Variants in CRB1 observed in about 807,000 individuals in gnomAD.
CRB1 encodes protein crumbs homolog 1.
In CRB1, 83 loss-of-function variants were observed where a neutral mutation model predicts 120.0. The observed-to-expected ratio is 0.69, with a 90% CI of 0.58 to 0.83. The LOEUF is 0.83. Ranked by LOEUF, CRB1 falls within the 40% of genes least tolerant of loss-of-function variation. The pLI, the probability that CRB1 is intolerant of heterozygous loss-of-function variation, is 0.00. For synonymous variants in CRB1, 625 were observed against 612.5 expected, an observed-to-expected ratio of 1.02 and a Z score of -0.30; for missense variants, 1,699 against 1,687.6, an observed-to-expected ratio of 1.01 and a Z score of -0.12.
chr1:197,223,322 A>G, the CRB1 span: 1 of 620,860 alleles, frequency 1.6e-6, no homozygotes. Flanking sequence ...TATATCATAC[A>G]TTGTGGTTTA....
intron 5 of CRB1, among the ~76,000 whole-genome samples, chr1:197,376,952 AGGCC>A (rs1661681596): frequency 6.6e-6 from 1 of 152,156 alleles, no homozygotes; most frequent in East Asian, 1.9e-4. Context: ...TTACTTGGTT[AGGCC>A]AAACTCATTT....
intron 2 of CRB1, among the ~76,000 whole-genome samples, chr1:197,333,212 A>T (rs1054355048): frequency 1.3e-5 from 2 of 152,196 alleles, no homozygotes; most frequent in Admixed American, 6.5e-5. Context: ...CACTGCGTGA[A>T]TTCTCCTCTG....
intron 5 of CRB1, among the ~76,000 whole-genome samples, chr1:197,395,669 G>A (rs1273941969): frequency 6.6e-6 from 1 of 151,974 alleles, no homozygotes; most frequent in Non-Finnish European, 1.5e-5. Flanking sequence ...GACCTCCCTG[G>A]TTCATTGAAT....
chr1:197,308,181 A>G (rs1657285708), intron 1 of CRB1, among the ~76,000 whole-genome samples: 3 of 152,234 alleles, frequency 2.0e-5, no homozygotes, highest in African/African-American at 7.2e-5. Context: ...ATGAATGTGG[A>G]AATAGAAAAT....
At chr1:197,460,216 T>C (rs113873077) in intron 11 of CRB1, among the ~76,000 whole-genome samples, 11 of 151,676 alleles carry the variant, frequency 7.3e-5, no homozygotes, top group African/African-American at 2.7e-4. Flanking sequence ...TAAAAAAGAG[T>C]CTCTGGGGCA....
chr1:197,319,208 G>C (rs1228287214), intron 1 of CRB1, among the ~76,000 whole-genome samples: 1 of 143,252 alleles, frequency 7.0e-6, no homozygotes, highest in African/African-American at 2.6e-5. Context: ...CAAATCATGA[G>C]GTCAGGAGTT....
chr1:197,284,760 ATTTG>A (rs1313020521), intron 1 of CRB1, among the ~76,000 whole-genome samples: 1 of 151,890 alleles, frequency 6.6e-6, no homozygotes. Context: ...GAATCATTGA[ATTTG>A]TTTTTTCAAA....
At chr1:197,305,123 T>C (rs1179192336) in intron 1 of CRB1, among the ~76,000 whole-genome samples, 2 of 152,192 alleles carry the variant, frequency 1.3e-5, no homozygotes, top group Non-Finnish European at 2.9e-5. Context: ...CTCTGAAACC[T>C]GATATCTAAG....
intron 5 of CRB1, among the ~76,000 whole-genome samples, chr1:197,380,115 G>C (rs190686893): frequency 6.6e-6 from 1 of 152,128 alleles, no homozygotes; most frequent in Non-Finnish European, 1.5e-5. Flanking sequence ...TTAACACCTC[G>C]GTTCTGCAGA....
At chr1:197,258,031 TTCTC>T in the CRB1 span, among the ~76,000 whole-genome samples, 2 of 152,212 alleles carry the variant, frequency 1.3e-5, no homozygotes, top group Admixed American at 6.5e-5. Flanking sequence ...CTGATTCTTC[TTCTC>T]TCTATTTAAA....
intron 1 of CRB1, 50 bp downstream of exon 1, chr1:197,268,532 T>C: frequency 3.1e-6 from 4 of 1,288,384 alleles, no homozygotes; most frequent in Non-Finnish European, 4.5e-6. Context: ...TCTGGCTTAT[T>C]ATATTTCTTA....
At chr1:197,271,990 C>A (rs1415629697) in intron 1 of CRB1, among the ~76,000 whole-genome samples, 1 of 152,130 alleles carries the variant, frequency 6.6e-6, no homozygotes, top group Non-Finnish European at 1.5e-5. Context: ...TTTGGGGTAG[C>A]ATCCAGTCTT....
At chr1:197,419,398 T>C (rs1362140664) in intron 5 of CRB1, among the ~76,000 whole-genome samples, 1 of 151,544 alleles carries the variant, frequency 6.6e-6, no homozygotes, top group African/African-American at 2.4e-5. Flanking sequence ...AGTCTCGCTT[T>C]GTTGCCCAGG....
In CRB1 at chr1:197,438,544, T is replaced by G; in HGVS notation, c.3750-3T>G. On this transcript the variant is annotated splice_region_variant and splice_polypyrimidine_tract_variant and intron_variant, in intron 9 of 11. Coordinates refer to ENST00000367400, the MANE Select transcript of CRB1 (RefSeq NM_201253.3). ...GCTGTGGCTCTTGCTTTTATCTCTCTAGACAGAGCAGATTACCCTCAACAG... is the reference window on the plus strand; with the variant it reads ...GCTGTGGCTCTTGCTTTTATCTCTCGAGACAGAGCAGATTACCCTCAACAG... 1 of 1,612,034 alleles carries G rather than the reference T, an allele frequency of 6.2e-7. No individual in the cohort carries two copies. Among genetic ancestry groups the G allele is most frequent in the Non-Finnish European group, 8.5e-7 (1 of 1,178,466 alleles).
intron 1 of CRB1, among the ~76,000 whole-genome samples, chr1:197,308,808 C>T (rs137915599): frequency 1.3e-5 from 2 of 151,008 alleles, no homozygotes; most frequent in East Asian, 3.9e-4. Context: ...ATAATAAATG[C>T]TTTTATGTAA....
intron 11 of CRB1, among the ~76,000 whole-genome samples, chr1:197,449,816 G>A (rs1384813200): frequency 6.6e-6 from 1 of 152,132 alleles, no homozygotes; most frequent in African/African-American, 2.4e-5. Context: ...CGCTACATGG[G>A]CATATTACAA....
intron 11 of CRB1, among the ~76,000 whole-genome samples, chr1:197,460,001 C>CTTTTTT (rs10679172): frequency 0.078 from 5,901 of 75,492 alleles, 548 homozygotes; most frequent in East Asian, 0.28. Flanking sequence ...AAGCCCCCCT[C>CTTTTTT]TTTTTTTTTT....
At chr1:197,406,024 A>G (rs1286942424) in intron 5 of CRB1, among the ~76,000 whole-genome samples, 3 of 133,704 alleles carry the variant, frequency 2.2e-5, no homozygotes, top group African/African-American at 8.5e-5. Flanking sequence ...GGCCGCCCCT[A>G]CTGGGAAGTG....
At chr1:197,315,202 T>C (rs1385822051) in intron 1 of CRB1, among the ~76,000 whole-genome samples, 2 of 152,198 alleles carry the variant, frequency 1.3e-5, no homozygotes, top group Admixed American at 1.3e-4. Context: ...CCTTTTTTTT[T>C]AGTTGTTTAC....
Sources: gnomAD v4.1 joint callset for allele counts (sites outside exome capture counted in the v4.1 genomes callset) on GRCh38, gnomAD v4.1.1 for gene constraint, MANE v1.5 for transcripts, NCBI Gene and HGNC (gene_info 2026-07-23, HGNC 2026-07-21) for gene names.